Variants in GPX4 observed in about 807,000 individuals in gnomAD.
GPX4 encodes glutathione peroxidase 4.
In GPX4, 28 loss-of-function variants were observed where a neutral mutation model predicts 27.8. The observed-to-expected ratio is 1.01, with a 90% CI of 0.75 to 1.38. The LOEUF (loss-of-function observed/expected upper bound fraction) is 1.38, where lower values mean the gene tolerates loss of function less well. GPX4 is among the 40% of genes most tolerant of loss of function. The probability of loss-of-function intolerance (pLI) is 0.00; values close to 1 mark genes in which losing one functional copy is unlikely to be tolerated. For synonymous variants in GPX4, 163 were observed against 107.8 expected, an observed-to-expected ratio of 1.51 and a Z score of -3.17; for missense variants, 357 against 274.1, an observed-to-expected ratio of 1.30 and a Z score of -2.14.
At chr19:1,105,980 T>C in intron 4 of GPX4, 171 bp downstream of exon 4, 2 of 798,582 alleles carry the variant, frequency 2.5e-6, no homozygotes, top group Admixed American at 5.3e-5. Context: ...CAGGGGGACA[T>C]AGAGGGCTGT....
chr19:1,104,797 G>A (rs2079627917), intron 1 of GPX4: 1 of 991,772 alleles, frequency 1.0e-6, no homozygotes, highest in African/African-American at 1.7e-5. Context: ...GCCGGGGCAG[G>A]CGGCGGCCGC....
rs2079663165 is a variant in GPX4 at position 1,106,674 on chromosome 19, C to A, written c.*102C>A. On this transcript the variant is annotated 3_prime_UTR_variant, in exon 7 of 7. Transcript: ENST00000354171. ...CTGCAAACCTGCTGGTGGGGCAGAC[C>A]CGAAAATCCAGCGTGCACCCCGCCG... 2 of 1,518,824 alleles carry A rather than the reference C, an allele frequency of 1.3e-6. No homozygotes were observed. Among genetic ancestry groups the A allele is most frequent in the Non-Finnish European group, 1.8e-6 (2 of 1,114,912 alleles). 94.1% of individuals were successfully genotyped at this position (1,518,824 alleles called of 1,614,324 possible).
At chr19:1,106,151 G>T in intron 4 of GPX4, 91 bp from the exon 5 acceptor site, 1 of 1,255,062 alleles carries the variant, frequency 8.0e-7, no homozygotes. Context: ...AGCCGGGGAA[G>T]CTCACACCCT....
intron 3 of GPX4, 34 bp downstream of exon 3, chr19:1,105,544 G>T: frequency 6.2e-7 from 1 of 1,607,412 alleles, no homozygotes. Context: ...CCGCAGAGGC[G>T]GGTGGGTGGG....
chr19:1,105,846 G>A (rs1258700495), intron 4 of GPX4, 37 bp downstream of exon 4: 2 of 1,032,268 alleles, frequency 1.9e-6, no homozygotes, highest in Non-Finnish European at 2.7e-6. Context: ...CTGCTGGGGT[G>A]GGGGTGGGGG....
In GPX4 at chr19:1,104,904, A is replaced by G. The variant is rs1307387677; in HGVS notation, c.85-282A>G. The G allele has an allele frequency of 6.8e-5, 93 of 1,374,178 alleles. No individual in the cohort carries two copies. Among genetic ancestry groups the G allele is most frequent in the Non-Finnish European group, 8.7e-5 (91 of 1,049,344 alleles). The allele number at this position is 1,374,178 out of a possible 1,614,324, so 85.1% of individuals were successfully genotyped here. ...CCCCGCAGCTTGCGACCGGAGATCC[A>G]CGAATGTCCCAAGTCCCAGGACCCG... On this transcript the variant is annotated intron_variant, in intron 1 of 6. Transcript: ENST00000354171.
intron 1 of GPX4, chr19:1,104,693 G>C (rs2079626681): frequency 2.0e-6 from 2 of 984,736 alleles, no homozygotes; most frequent in South Asian, 9.4e-5. Flanking sequence ...CGCTAGCGGC[G>C]CTCGGGGTGG....
chr19:1,104,236 G>A lies in GPX4; in HGVS notation c.84+109G>A. On this transcript the variant is annotated intron_variant, in intron 1 of 6. Transcript: ENST00000354171. Reference sequence around the variant, plus strand: ...ACCCTCAGGCTCCAGTGACCTTGGTGGGGGGCGTCTGGGGGCTCCCCCTCC... The same window carrying A: ...ACCCTCAGGCTCCAGTGACCTTGGTAGGGGGCGTCTGGGGGCTCCCCCTCC... 4 of 998,226 alleles carry A rather than the reference G, an allele frequency of 4.0e-6. No individual in the cohort carries two copies. In the South Asian group the frequency reaches 6.6e-5, roughly 17 times the overall value. The allele number at this position is 998,226 out of a possible 1,614,324, so 61.8% of individuals were successfully genotyped here.
chr19:1,104,351 G>C, intron 1 of GPX4: 1 of 483,824 alleles, frequency 2.1e-6, no homozygotes. Flanking sequence ...GCTGGGGTCG[G>C]GGAAGGGGAA....
rs541778225 is a variant in GPX4, at chr19:1,104,980, A to G, written c.85-206A>G. On this transcript the variant is annotated intron_variant, in intron 1 of 6. Transcript: ENST00000354171. Reference sequence around the variant, plus strand: ...TAATGTGGCACATTTTGGGGTTGGAACCCTCTCCCGGCCTCCGGGTCTCCG... The same window carrying G: ...TAATGTGGCACATTTTGGGGTTGGAGCCCTCTCCCGGCCTCCGGGTCTCCG... The G allele has an allele frequency of 8.1e-6, 12 of 1,474,316 alleles. No individual in the cohort carries two copies. The African/African-American group carries it at 1.4e-4, about 17-fold the overall frequency. The allele number at this position is 1,474,316 out of a possible 1,614,324, so 91.3% of individuals were successfully genotyped here. A position where few individuals can be genotyped will look rare whatever the true frequency, so the allele number is the denominator to read the frequency against.
In GPX4 at chr19:1,106,285, G is replaced by T. The variant is rs759722982; in HGVS notation, c.501+19G>T. On this transcript the variant is annotated intron_variant, in intron 5 of 6. Transcript: ENST00000354171. The stretch of plus-strand genomic sequence containing the variant: ...CACCAAGGTAAGGGGGCTGTGGGGG[G>T]TAGGGGACCAGCTTCCCCTGGCCAC... 3 of 1,603,162 alleles carry T rather than the reference G, an allele frequency of 1.9e-6. No homozygotes were observed. The highest frequency in any genetic ancestry group is 2.6e-6 in the Non-Finnish European group (3 of 1,171,566).
chr19:1,104,631 G>A (rs999006124), intron 1 of GPX4: 2 of 985,990 alleles, frequency 2.0e-6, no homozygotes, highest in Non-Finnish European at 2.4e-6. Context: ...GGCCTAGCGC[G>A]GTGGCGTCAC....
chr19:1,105,040 C>T (rs2079631003), intron 1 of GPX4, 146 bp from the exon 2 acceptor site: 4 of 1,465,904 alleles, frequency 2.7e-6, no homozygotes, highest in Admixed American at 4.6e-5. Context: ...GGGGCGTGTG[C>T]GTTTAAGGAG....
At chr19:1,106,084 G>A in intron 4 of GPX4, 158 bp from the exon 5 acceptor site, 1 of 695,562 alleles carries the variant, frequency 1.4e-6, no homozygotes, top group East Asian at 2.8e-5. Flanking sequence ...CACACTGCAT[G>A]GCCTCCTGGG....
chr19:1,104,169 G>C, intron 1 of GPX4, 42 bp downstream of exon 1: 1 of 1,392,076 alleles, frequency 7.2e-7, no homozygotes, highest in Non-Finnish European at 9.3e-7. Context: ...GTGACCGTTG[G>C]GGCGGGCGCG....
chr19:1,105,847 G>T, intron 4 of GPX4, 38 bp downstream of exon 4: 2 of 1,463,744 alleles, frequency 1.4e-6, no homozygotes, highest in Non-Finnish European at 9.2e-7. Flanking sequence ...TGCTGGGGTG[G>T]GGGTGGGGGG....
Position 1,105,166 on chromosome 19 carries a change from C to T in GPX4, c.85-20C>T, listed in dbSNP as rs913501602. On this transcript the variant is annotated intron_variant, in intron 1 of 6. Transcript: ENST00000354171. The stretch of plus-strand genomic sequence containing the variant: ...CAGCCTCCCGTCCACGCTCCCTGCT[C>T]AGCTTCCTTTGCCTTGCAGTGCGCG... 4.6e-5 allele frequency: 74 copies of T among 1,611,990 alleles called. No individual in the cohort carries two copies. Among genetic ancestry groups the T allele is most frequent in the Non-Finnish European group, 5.9e-5 (69 of 1,179,200 alleles).
rs1170216395 is a variant in GPX4, at chr19:1,106,298, T to G, written c.501+32T>G. On this transcript the variant is annotated intron_variant, in intron 5 of 6. Coordinates refer to ENST00000354171, the MANE Select transcript of GPX4 (RefSeq NM_002085.5). ...GGGCTGTGGGGGGTAGGGGACCAGCTTCCCCTGGCCACAGCCGTGGCCCAG... is the reference window on the plus strand; with the variant it reads ...GGGCTGTGGGGGGTAGGGGACCAGCGTCCCCTGGCCACAGCCGTGGCCCAG... 8.1e-6 allele frequency: 13 copies of G among 1,601,638 alleles called. No individual in the cohort carries two copies. The African/African-American group carries it at 9.4e-5, about 12-fold the overall frequency.
rs1327848723 is a variant in GPX4 at position 1,105,953 on chromosome 19, C to A, written c.476+144C>A. On this transcript the variant is annotated intron_variant, in intron 4 of 6. Coordinates refer to ENST00000354171, the MANE Select transcript of GPX4 (RefSeq NM_002085.5). ...TGGGACTCTCACATCGCGTGGCCTC[C>A]TGGGGGTAAGATGGCTCAGGGGGAC... is the stretch of plus-strand genomic sequence containing the variant. 3.1e-5 allele frequency: 32 copies of A among 1,026,514 alleles called. 1 individual carries two copies. In the South Asian group the frequency reaches 4.1e-4, roughly 13 times the overall value. The allele number at this position is 1,026,514 out of a possible 1,614,324, so 63.6% of individuals were successfully genotyped here.
Sources: allele counts gnomAD v4.1 joint callset, GRCh38; gene constraint gnomAD v4.1.1; transcripts MANE v1.5; gene names NCBI Gene and HGNC (gene_info 2026-07-23, HGNC 2026-07-21).